Variants in USH2A observed in about 807,000 individuals in gnomAD.
USH2A encodes usherin.
In USH2A, 443 loss-of-function variants were observed where a neutral mutation model predicts 538.9. The ratio of observed to expected loss-of-function variants is 0.82; its 90% CI spans 0.76 to 0.89. USH2A has a LOEUF of 0.89. Among genes scored for constraint, USH2A ranks in the 40% least tolerant of loss-of-function variants. The probability of loss-of-function intolerance (pLI) is 0.00; values close to 1 mark genes in which losing one functional copy is unlikely to be tolerated. For synonymous variants in USH2A, 2,413 were observed against 2,273.5 expected (o/e 1.06, Z -1.75); for missense variants, 6,633 against 6,324.8 (o/e 1.05, Z -1.65).
intron 35 of USH2A, among the ~76,000 whole-genome samples, chr1:215,988,330 A>G (rs909405268): frequency 6.6e-5 from 10 of 152,158 alleles, no homozygotes; most frequent in African/African-American, 2.2e-4. Flanking sequence ...TAATCTCCTC[A>G]AGTTTCATCC....
At chr1:215,627,369 C>T (rs576564390) in intron 71 of USH2A, among the ~76,000 whole-genome samples, 2 of 149,868 alleles carry the variant, frequency 1.3e-5, no homozygotes, top group East Asian at 3.9e-4. Flanking sequence ...CTCTCCCTCC[C>T]TCCCTCCCTT....
chr1:215,700,462 T>C lies in USH2A; in HGVS notation c.12067-20086A>G, dbSNP rs554511167. 3.9e-5 allele frequency among the ~76,000 whole-genome samples: 6 copies of C among 152,326 alleles called. No homozygotes were observed. The South Asian group carries it at 1.2e-3, about 32-fold the overall frequency. ...TGGGCTTTTTTTGGTTGGTAGTCTA[T>C]TAATTACTGCCTCAATTTCAGAACT... On this transcript the variant is annotated intron_variant, in intron 61 of 71. Transcript: ENST00000307340.
chr1:215,773,454 G>C (rs948339888), intron 55 of USH2A, among the ~76,000 whole-genome samples: 1 of 150,546 alleles, frequency 6.6e-6, no homozygotes, highest in African/African-American at 2.5e-5. Context: ...GCTTTGGTCC[G>C]CTGCCTCCCC....
intron 23 of USH2A, 28 bp downstream of exon 23, chr1:216,088,985 C>T (rs2032217183): frequency 6.2e-7 from 1 of 1,612,388 alleles, no homozygotes; most frequent in Admixed American, 1.7e-5. Context: ...ATCAACAGGG[C>T]TATTTATACA....
intron 62 of USH2A, 102 bp downstream of exon 62, chr1:215,680,047 G>T: frequency 8.7e-7 from 1 of 1,148,398 alleles, no homozygotes. Flanking sequence ...AATTAAACAG[G>T]CTGTGAAGGG....
chr1:216,257,411 C>G (rs890483823), intron 11 of USH2A, among the ~76,000 whole-genome samples: 1 of 151,782 alleles, frequency 6.6e-6, no homozygotes, highest in Non-Finnish European at 1.5e-5. Flanking sequence ...ACTGTTTTGC[C>G]TTTGTATTTA....
chr1:215,777,807 T>G (rs1408434714), intron 55 of USH2A, among the ~76,000 whole-genome samples: 9 of 152,186 alleles, frequency 5.9e-5, no homozygotes, highest in Non-Finnish European at 8.8e-5. Flanking sequence ...ATACGCTGAG[T>G]AGGTTGGCTT....
intron 47 of USH2A, among the ~76,000 whole-genome samples, chr1:215,820,270 G>T (rs1662975441): frequency 6.8e-6 from 1 of 146,580 alleles, no homozygotes; most frequent in African/African-American, 2.5e-5. Context: ...AAATGTTTGG[G>T]TTACATTTTC....
At chr1:216,403,147 T>G (rs1184329393) in intron 3 of USH2A, among the ~76,000 whole-genome samples, 5 of 152,134 alleles carry the variant, frequency 3.3e-5, no homozygotes, top group African/African-American at 4.8e-5. Flanking sequence ...AATCAATCAG[T>G]GTAATCAACC....
chr1:216,381,111 T>C (rs1358043166), intron 3 of USH2A, among the ~76,000 whole-genome samples: 1 of 152,104 alleles, frequency 6.6e-6, no homozygotes, highest in South Asian at 2.1e-4. Flanking sequence ...GAAATTAGTG[T>C]GTTTTACAGA....
intron 64 of USH2A, among the ~76,000 whole-genome samples, chr1:215,657,927 ATTTTTT>A (rs59977028): frequency 6.1e-5 from 6 of 97,748 alleles, no homozygotes; most frequent in African/African-American, 2.2e-4. Context: ...ATTTGCCCTG[ATTTTTT>A]TTTTTTTTTT....
chr1:216,355,304 TCAAA>T (rs1430450350), intron 4 of USH2A, among the ~76,000 whole-genome samples: 4 of 66,590 alleles, frequency 6.0e-5, no homozygotes, highest in African/African-American at 3.5e-4. Flanking sequence ...AGACTCTGCT[TCAAA>T]AAGAAAGAAA....
chr1:215,625,078 C>T lies in USH2A; in HGVS notation c.*703G>A, dbSNP rs1368020375. On this transcript the variant is annotated 3_prime_UTR_variant, in exon 72 of 72. Transcript: ENST00000307340. The stretch of plus-strand genomic sequence containing the variant: ...TTTCTCCTCAAAATGTATAAATAAG[C>T]TGTTTACTCCTTAGATTTTTGGAAA... 1 of 152,202 alleles carries T rather than the reference C, an allele frequency of 6.6e-6. No individual in the cohort carries two copies. The highest frequency in any genetic ancestry group is 1.9e-4 in the East Asian group (1 of 5,200). The allele number at this position is 152,202 out of a possible 1,614,324, so 9.4% of individuals were successfully genotyped here.
chr1:215,782,673 C>T (rs148071837), intron 53 of USH2A, 65 bp downstream of exon 53: 1 of 1,537,282 alleles, frequency 6.5e-7, no homozygotes, highest in East Asian at 2.3e-5. Context: ...GTAGATTGTA[C>T]TCATTTCAAT....
chr1:216,050,584 C>CCTTTCCTTTCCTTTCCTTTCCT (rs1558231778), intron 30 of USH2A, among the ~76,000 whole-genome samples: 12 of 33,054 alleles, frequency 3.6e-4, no homozygotes, highest in East Asian at 1.1e-3. Context: ...TTCTTTCTTT[C>CCTTTCCTTTCCTTTCCTTTCCT]TTTCTTTCTT....
intron 38 of USH2A, among the ~76,000 whole-genome samples, chr1:215,910,342 C>A (rs947664152): frequency 6.6e-6 from 1 of 151,838 alleles, no homozygotes; most frequent in Admixed American, 6.6e-5. Flanking sequence ...ACAAAAGAGG[C>A]AGATCTGTGT....
chr1:216,041,089 C>T (rs746536082), intron 32 of USH2A, among the ~76,000 whole-genome samples: 5 of 151,926 alleles, frequency 3.3e-5, no homozygotes, highest in Non-Finnish European at 7.4e-5. Flanking sequence ...ATATACCTCA[C>T]GTATTTATCC....
At chr1:215,728,888 G>C (rs1659909772) in intron 60 of USH2A, among the ~76,000 whole-genome samples, 1 of 152,242 alleles carries the variant, frequency 6.6e-6, no homozygotes, top group Non-Finnish European at 1.5e-5. Context: ...TATGCATGCA[G>C]TTATATCGGG....
intron 21 of USH2A, among the ~76,000 whole-genome samples, chr1:216,163,808 C>A (rs2034115278): frequency 6.6e-6 from 1 of 150,614 alleles, no homozygotes; most frequent in African/African-American, 2.4e-5. Context: ...TAAGACTATG[C>A]AATAGAGGAA....
Sources: allele counts gnomAD v4.1 joint callset (sites outside exome capture counted in the v4.1 genomes callset), GRCh38; gene constraint gnomAD v4.1.1; transcripts MANE v1.5; gene names NCBI Gene and HGNC (gene_info 2026-07-23, HGNC 2026-07-21).